SNTB1: variants seen among roughly 807,000 people sequenced by gnomAD.
SNTB1 encodes beta-1-syntrophin.
In SNTB1, 36 loss-of-function variants were observed where a neutral mutation model predicts 48.9. The observed-to-expected ratio is 0.74, with a 90% CI of 0.56 to 0.97. The LOEUF is 0.97. Ranked by LOEUF, SNTB1 falls within the 50% of genes least tolerant of loss-of-function variation. The pLI is 0.00. For missense variants in SNTB1, 786 were observed against 703.4 expected (o/e 1.12, Z -1.33); for synonymous variants, 299 against 294.6 (o/e 1.01, Z -0.15).
intron 3 of SNTB1, among the ~76,000 whole-genome samples, chr8:120,588,710 C>T (rs1816189685): frequency 6.6e-6 from 1 of 152,156 alleles, no homozygotes; most frequent in Non-Finnish European, 1.5e-5. Flanking sequence ...GATATTACTT[C>T]TTCTCTGAGA....
At chr8:120,782,358 G>A (rs1211993163) in intron 1 of SNTB1, among the ~76,000 whole-genome samples, 1 of 152,020 alleles carries the variant, frequency 6.6e-6, no homozygotes, top group Non-Finnish European at 1.5e-5. Flanking sequence ...GAAACCAGGA[G>A]AAAACAAAAT....
chr8:120,774,889 A>G (rs1372134664), intron 1 of SNTB1, among the ~76,000 whole-genome samples: 1 of 152,034 alleles, frequency 6.6e-6, no homozygotes, highest in African/African-American at 2.4e-5. Flanking sequence ...CCTGACCTCA[A>G]GTGATCCACC....
chr8:120,592,078 T>G (rs1305581618), intron 3 of SNTB1, among the ~76,000 whole-genome samples: 1 of 152,178 alleles, frequency 6.6e-6, no homozygotes, highest in African/African-American at 2.4e-5. Flanking sequence ...AAATCACCTA[T>G]GAAAATAAAT....
chr8:120,652,364 C>A (rs1817422509), intron 2 of SNTB1, among the ~76,000 whole-genome samples: 1 of 152,082 alleles, frequency 6.6e-6, no homozygotes, highest in Admixed American at 6.6e-5. Flanking sequence ...AATGCACATT[C>A]CAGAATAGAA....
chr8:120,676,647 A>G (rs1289537008), intron 2 of SNTB1, among the ~76,000 whole-genome samples: 2 of 152,212 alleles, frequency 1.3e-5, no homozygotes, highest in African/African-American at 4.8e-5. Flanking sequence ...AAAATGGTGT[A>G]CTTCTCACCC....
intron 3 of SNTB1, among the ~76,000 whole-genome samples, chr8:120,584,056 G>A (rs985526501): frequency 1.3e-5 from 2 of 152,192 alleles, no homozygotes; most frequent in South Asian, 2.1e-4. Flanking sequence ...GCTCACGCTT[G>A]TAAGCCCAAC....
At chr8:120,790,561 A>G (rs146824221) in intron 1 of SNTB1, among the ~76,000 whole-genome samples, 9 of 152,194 alleles carry the variant, frequency 5.9e-5, no homozygotes, top group African/African-American at 1.9e-4. Flanking sequence ...ATCAGTGTAT[A>G]CAAATCAGCA....
At chr8:120,652,864 G>GT (rs1817431910) in intron 2 of SNTB1, among the ~76,000 whole-genome samples, 1 of 152,150 alleles carries the variant, frequency 6.6e-6, no homozygotes, top group Admixed American at 6.5e-5. Context: ...TGAACATAAT[G>GT]TTTTCCTATT....
rs192283061 is a variant in SNTB1, at chr8:120,600,048, A to T, written c.997-24823T>A. Among the ~76,000 whole-genome samples, 84 of 152,350 alleles carry T rather than the reference A, an allele frequency of 5.5e-4. 1 individual carries two copies. The highest frequency in any genetic ancestry group is 1.0e-3 in the Non-Finnish European group (68 of 68,022). ...CTAGCTCCTCAAAATTTTAGTTGGA[A>T]TATTTCAGTTCACCTCTTCTTTATC... On this transcript the variant is annotated intron_variant, in intron 3 of 6. Transcript: ENST00000517992.
intron 3 of SNTB1, among the ~76,000 whole-genome samples, chr8:120,600,631 C>T (rs1587020086): frequency 6.6e-6 from 1 of 152,170 alleles, no homozygotes; most frequent in East Asian, 1.9e-4. Flanking sequence ...TCTTTTATTC[C>T]ATGTATCAAT....
chr8:120,757,966 A>G (rs1433558714), intron 1 of SNTB1, among the ~76,000 whole-genome samples: 1 of 152,182 alleles, frequency 6.6e-6, no homozygotes, highest in Non-Finnish European at 1.5e-5. Context: ...AAAAGTAGTA[A>G]CAGCAGTGGT....
chr8:120,739,425 C>T (rs1819006570), intron 1 of SNTB1, among the ~76,000 whole-genome samples: 1 of 152,180 alleles, frequency 6.6e-6, no homozygotes, highest in Admixed American at 6.5e-5. Flanking sequence ...CCTTTTCAAA[C>T]ACAAAGAGGT....
At chr8:120,786,044 C>T (rs952859483) in intron 1 of SNTB1, among the ~76,000 whole-genome samples, 6 of 152,230 alleles carry the variant, frequency 3.9e-5, no homozygotes, top group African/African-American at 7.2e-5. Context: ...ACACAATCTA[C>T]GTGACTTCCC....
chr8:120,789,388 G>T (rs992532137), intron 1 of SNTB1, among the ~76,000 whole-genome samples: 1 of 151,486 alleles, frequency 6.6e-6, no homozygotes, highest in Non-Finnish European at 1.5e-5. Flanking sequence ...GAAATAAAAA[G>T]GATTAGAGCA....
intron 1 of SNTB1, among the ~76,000 whole-genome samples, chr8:120,728,501 G>A (rs1205945220): frequency 3.3e-5 from 5 of 151,908 alleles, no homozygotes; most frequent in African/African-American, 7.3e-5. Context: ...TCCCTCCCAC[G>A]GCTAGTAGTC....
At chr8:120,580,020 TG>T (rs1816018203) in intron 3 of SNTB1, among the ~76,000 whole-genome samples, 1 of 152,152 alleles carries the variant, frequency 6.6e-6, no homozygotes, top group Non-Finnish European at 1.5e-5. Flanking sequence ...TGCCAAATGA[TG>T]GGGTGGGACT....
At chr8:120,695,101 C>T (rs187949647) in intron 1 of SNTB1, among the ~76,000 whole-genome samples, 215 of 152,228 alleles carry the variant, frequency 1.4e-3, no homozygotes, top group African/African-American at 4.9e-3. Context: ...CTTGCATATT[C>T]TTCTCTCTAT....
intron 2 of SNTB1, among the ~76,000 whole-genome samples, chr8:120,642,533 C>T (rs374233422): frequency 4.6e-5 from 7 of 152,216 alleles, no homozygotes; most frequent in African/African-American, 1.7e-4. Flanking sequence ...GATAGTTGTC[C>T]CCAGAAGGGC....
At chr8:120,738,272 GT>G (rs1179613284) in intron 1 of SNTB1, among the ~76,000 whole-genome samples, 1 of 152,144 alleles carries the variant, frequency 6.6e-6, no homozygotes, top group Admixed American at 6.5e-5. Context: ...AAGCTACACA[GT>G]TTATGATATT....
Sources: allele counts gnomAD v4.1 joint callset (sites outside exome capture counted in the v4.1 genomes callset), GRCh38; gene constraint gnomAD v4.1.1; transcripts MANE v1.5; gene names NCBI Gene and HGNC (gene_info 2026-07-23, HGNC 2026-07-21).